HSPA14: variants seen among roughly 807,000 people sequenced by gnomAD.
HSPA14 encodes heat shock 70 kDa protein 14.
HSPA14 carries 37 observed loss-of-function variants against 65.5 expected under a neutral mutation model. The ratio of observed to expected loss-of-function variants is 0.56; its 90% CI spans 0.43 to 0.74. The LOEUF is 0.74. Ranked by LOEUF, HSPA14 falls within the 30% of genes least tolerant of loss-of-function variation. The probability of loss-of-function intolerance (pLI) is 0.00; values close to 1 mark genes in which losing one functional copy is unlikely to be tolerated. For missense variants in HSPA14, 564 were observed against 607.6 expected (o/e 0.93, Z 0.75); for synonymous variants, 203 against 214.2 (o/e 0.95, Z 0.46).
Position 14,871,547 on chromosome 10 carries a change from A to G in HSPA14, c.1471A>G (p.Thr491Ala), listed in dbSNP as rs1352701159. 1 of 1,591,258 alleles carries G rather than the reference A, an allele frequency of 6.3e-7. No individual in the cohort carries two copies. The highest frequency in any genetic ancestry group is 1.1e-5 in the South Asian group (1 of 89,020). Residue 491 changes from threonine (T) to alanine (A), a missense_variant, in exon 14 of 14, where the codon ACA becomes GCA. Coordinates refer to ENST00000378372, the MANE Select transcript of HSPA14 (RefSeq NM_016299.4). ...TMKRDGSLHV[T>A]CTDQETGKCE... The stretch of plus-strand genomic sequence containing the variant: ...GTTTAGGGATGGATCTTTACATGTG[A>G]CATGCACAGATCAAGAAACTGGAAA...
At chr10:14,844,491 T>TATA (rs1383635400) in intron 3 of HSPA14, 2 of 754,918 alleles carry the variant, frequency 2.6e-6, no homozygotes, top group Admixed American at 7.8e-5. Flanking sequence ...ATTAGACGAC[T>TATA]ATAAGCACAA....
At position 14,851,633 on chromosome 10, in the gene HSPA14, T is replaced by A. The variant is rs188586507; in HGVS notation, c.572+310T>A. On this transcript the variant is annotated intron_variant, in intron 7 of 13. Coordinates refer to ENST00000378372, the MANE Select transcript of HSPA14 (RefSeq NM_016299.4). ...CGACACTGCTGATTTTTCTACCAATTCCAGTTATTAGACATGTTTGCAGAT... is the reference window on the plus strand; with the variant it reads ...CGACACTGCTGATTTTTCTACCAATACCAGTTATTAGACATGTTTGCAGAT... 2.0e-5 allele frequency among the ~76,000 whole-genome samples: 3 copies of A among 152,310 alleles called. No individual in the cohort carries two copies. In the East Asian group the frequency reaches 5.8e-4, roughly 29 times the overall value.
intron 3 of HSPA14, chr10:14,846,911 T>C (rs1834062317): frequency 1.0e-6 from 1 of 985,312 alleles, no homozygotes; most frequent in East Asian, 1.1e-4. Context: ...ATCATGTAAA[T>C]AAGGTGCTAT....
intron 6 of HSPA14, 29 bp downstream of exon 6, chr10:14,849,840 T>G (rs2131640532): frequency 5.9e-6 from 8 of 1,361,908 alleles, no homozygotes; most frequent in Non-Finnish European, 7.3e-6. Flanking sequence ...TCTTACTGGC[T>G]TAATTAAAGG....
intron 13 of HSPA14, among the ~76,000 whole-genome samples, chr10:14,871,176 T>C (rs1588823686): frequency 6.6e-6 from 1 of 152,292 alleles, no homozygotes; most frequent in Non-Finnish European, 1.5e-5. Context: ...AGCAAGAATA[T>C]AGAATTCATC....
chr10:14,843,080 C>T lies in HSPA14; in HGVS notation c.221+2923C>T, dbSNP rs1404927704. 2.0e-5 allele frequency among the ~76,000 whole-genome samples: 3 copies of T among 152,198 alleles called. No individual in the cohort carries two copies. In the East Asian group the frequency reaches 5.8e-4, roughly 29 times the overall value. On this transcript the variant is annotated intron_variant, in intron 3 of 13. Transcript: ENST00000378372. ...TTAAACCTAGAAGTGCTCTCTAGAA[C>T]CAAACTAGTTCTGGCATTATTAATA...
intron 3 of HSPA14, 76 bp downstream of exon 3, chr10:14,840,233 AT>A: frequency 1.4e-6 from 1 of 708,258 alleles, no homozygotes; most frequent in Non-Finnish European, 2.1e-6. Context: ...GTGAAAAGAA[AT>A]TAGAAACAGC....
At position 14,840,136 on chromosome 10, in the gene HSPA14, TA is replaced by T; in HGVS notation, c.203del (p.Lys68SerfsTer23). On this transcript the variant is annotated frameshift_variant, in exon 3 of 14. Transcript: ENST00000378372. LOFTEE classifies it high-confidence loss of function. ...IRNISNTVMK[V>X]KQILGRSSSD... The stretch of plus-strand genomic sequence containing the variant: ...AATATTTCAAATACAGTAATGAAAG[TA>T]AAGCAGATCCTGGGCAGAAGGTATG... 1 of 1,467,826 alleles carries T rather than the reference TA, an allele frequency of 6.8e-7. No individual in the cohort carries two copies. Among genetic ancestry groups the T allele is most frequent in the Non-Finnish European group, 9.1e-7 (1 of 1,096,134 alleles). 90.9% of individuals were successfully genotyped at this position (1,467,826 alleles called of 1,614,324 possible).
chr10:14,860,758 G>A (rs1832744466), intron 10 of HSPA14, among the ~76,000 whole-genome samples: 1 of 152,138 alleles, frequency 6.6e-6, no homozygotes, highest in South Asian at 2.1e-4. Context: ...GCTGTAGATC[G>A]ATGTAGGGGT....
At position 14,867,108 on chromosome 10, in the gene HSPA14, G is replaced by C; in HGVS notation, c.1019G>C (p.Arg340Pro). 1 of 1,613,208 alleles carries C rather than the reference G, an allele frequency of 6.2e-7. No individual in the cohort carries two copies. Among genetic ancestry groups the C allele is most frequent in the South Asian group, 1.1e-5 (1 of 91,030 alleles). Reference protein sequence around the residue: ...NKVVLCGGSSRIPKLQQLIKD... With the variant: ...NKVVLCGGSSPIPKLQQLIKD... ...GTTGTCCTTTGTGGAGGGTCTTCTC[G>C]AATCCCAAAGCTACAGCAACTGATT... Residue 340 changes from arginine to proline, a missense_variant, in exon 11 of 14, where the codon CGA becomes CCA. Physicochemically the swap from Arg to Pro is moderately radical, Grantham distance 103. Coordinates refer to ENST00000378372, the MANE Select transcript of HSPA14 (RefSeq NM_016299.4).
At chr10:14,859,413 T>C (rs1832733871) in intron 10 of HSPA14, among the ~76,000 whole-genome samples, 1 of 152,232 alleles carries the variant, frequency 6.6e-6, no homozygotes, top group Non-Finnish European at 1.5e-5. Flanking sequence ...GATTTACCTC[T>C]TTCCAGCTTC....
At chr10:14,866,291 AATAGGG>A in intron 10 of HSPA14, among the ~76,000 whole-genome samples, 4 of 152,344 alleles carry the variant, frequency 2.6e-5, no homozygotes, top group Admixed American at 2.6e-4. Context: ...CCTGGAGATT[AATAGGG>A]TGTCCCTCAT....
intron 10 of HSPA14, among the ~76,000 whole-genome samples, chr10:14,866,542 T>C (rs1832808239): frequency 6.6e-6 from 1 of 152,220 alleles, no homozygotes; most frequent in Non-Finnish European, 1.5e-5. Flanking sequence ...TATGAAATTC[T>C]TCAGAAAGAT....
At chr10:14,862,958 A>G (rs1443898867) in intron 10 of HSPA14, among the ~76,000 whole-genome samples, 1 of 152,106 alleles carries the variant, frequency 6.6e-6, no homozygotes. Context: ...TGCTGGGATT[A>G]CAGGTGTGAG....
At position 14,867,265 on chromosome 10, in the gene HSPA14, A is replaced by G. The variant is rs1400506292; in HGVS notation, c.1176A>G (p.Ile392Met). The G allele has an allele frequency of 4.3e-6, 7 of 1,613,584 alleles. No homozygotes were observed. The highest frequency in any genetic ancestry group is 5.1e-6 in the Non-Finnish European group (6 of 1,179,558). The change falls in exon 11 of 14, where the codon ATA (isoleucine) becomes ATG (methionine). Residue 392 changes from isoleucine to methionine, a missense_variant. By Grantham distance (10) the Ile-to-Met change is conservative (BLOSUM62 1). Transcript: ENST00000378372. ...TGTTGGTGGAAGACTCTCTTATGAT[A>G]GAGTGTTCAGCCAGAGATATTTTAG... ...ENLLVEDSLM[I>M]ECSARDILVK... is the part of the protein sequence containing the mutation.
chr10:14,856,732 G>A (rs943665585), intron 10 of HSPA14, among the ~76,000 whole-genome samples: 13 of 152,036 alleles, frequency 8.6e-5, no homozygotes, highest in African/African-American at 2.9e-4. Flanking sequence ...GATGATGTGC[G>A]TCTGTGGTCT....
intron 5 of HSPA14, chr10:14,849,407 G>A (rs17155992): frequency 0.1 from 51,450 of 514,154 alleles, 3,387 homozygotes; most frequent in South Asian, 0.22. Context: ...ACATTATGAC[G>A]TTGTGTCTTC....
At chr10:14,866,616 A>T (rs1832808923) in intron 10 of HSPA14, among the ~76,000 whole-genome samples, 1 of 152,186 alleles carries the variant, frequency 6.6e-6, no homozygotes, top group African/African-American at 2.4e-5. Context: ...TCCTCAAGAA[A>T]CTTAATATTC....
chr10:14,840,147 C>G lies in HSPA14; in HGVS notation c.211C>G (p.Leu71Val). The G allele has an allele frequency of 1.4e-6, 2 of 1,434,742 alleles. No individual in the cohort carries two copies. Among genetic ancestry groups the G allele is most frequent in the Non-Finnish European group, 1.9e-6 (2 of 1,072,462 alleles). 88.9% of individuals were successfully genotyped at this position (1,434,742 alleles called of 1,614,324 possible). The change falls in exon 3 of 14, where the codon CTG (leucine) becomes GTG (valine). Residue 71 changes from leucine (L) to valine (V), a missense_variant. By Grantham distance (32) the Leu-to-Val change is conservative (BLOSUM62 1). Transcript: ENST00000378372. ...TACAGTAATGAAAGTAAAGCAGATC[C>G]TGGGCAGAAGGTATGGAATCAAATG... The part of the protein sequence containing the change: ...SNTVMKVKQI[L>V]GRSSSDPQAQ...
Sources: allele counts gnomAD v4.1 joint callset (sites outside exome capture counted in the v4.1 genomes callset), GRCh38; gene constraint gnomAD v4.1.1; transcripts MANE v1.5; gene names NCBI Gene and HGNC (gene_info 2026-07-23, HGNC 2026-07-21).